Variants in COL8A2 observed in about 807,000 individuals in gnomAD.
COL8A2 encodes collagen type VIII alpha 2 chain.
COL8A2 carries 16 observed loss-of-function variants against 24.0 expected under a neutral mutation model. That is an observed-to-expected ratio of 0.67 (90% CI 0.45 to 1.01). The LOEUF (loss-of-function observed/expected upper bound fraction) is 1.01. Among genes scored for constraint, COL8A2 ranks in the 50% least tolerant of loss-of-function variants. The pLI is 0.00. For missense variants in COL8A2, 818 were observed against 942.4 expected (o/e 0.87, Z 1.73); for synonymous variants, 466 against 424.5 (o/e 1.10, Z -1.20).
chr1:36,102,168 A>G (rs1643686905), intron 2 of COL8A2, among the ~76,000 whole-genome samples: 1 of 151,978 alleles, frequency 6.6e-6, no homozygotes, highest in African/African-American at 2.4e-5. Flanking sequence ...TGGTCTCAAA[A>G]TATATATATA....
intron 1 of COL8A2, among the ~76,000 whole-genome samples, chr1:36,116,593 G>A (rs1286313436): frequency 6.6e-6 from 1 of 152,258 alleles, no homozygotes; most frequent in Non-Finnish European, 1.5e-5. Flanking sequence ...TCTCTGGGCT[G>A]TGGGAGCATG....
chr1:36,101,118 T>C (rs1445781404), intron 2 of COL8A2, among the ~76,000 whole-genome samples: 6 of 152,086 alleles, frequency 3.9e-5, no homozygotes. Context: ...GGTCTCGAAC[T>C]CCTGACCTCA....
chr1:36,117,635 C>A (rs1557747742), intron 1 of COL8A2, among the ~76,000 whole-genome samples: 1 of 152,150 alleles, frequency 6.6e-6, no homozygotes, highest in Non-Finnish European at 1.5e-5. Context: ...CACAACAACC[C>A]AGTGACAAAA....
rs1485373508 is a variant in COL8A2, at chr1:36,115,019, G to C, written c.-17+689C>G. The stretch of plus-strand genomic sequence containing the variant: ...AGGTAAGAACAGCCGGGCAGGGGCA[G>C]ATGGACTAGAAAAGGCCCGGCAGTG... On this transcript the variant is annotated intron_variant, in intron 2 of 3. Transcript: ENST00000397799. This position sits in a 1 kb window ranked among gnomAD's most constrained non-coding sequence, Gnocchi z 5.7. 1.3e-5 allele frequency among the ~76,000 whole-genome samples: 2 copies of C among 152,176 alleles called. No homozygotes were observed. Among genetic ancestry groups the C allele is most frequent in the Admixed American group, 6.5e-5 (1 of 15,284 alleles).
rs546163978 is a variant in COL8A2, at chr1:36,121,029, C to T, written c.-62+4028G>A. On this transcript the variant is annotated intron_variant, in intron 1 of 3. Transcript: ENST00000397799. Reference sequence around the variant, plus strand: ...GCTTGAATCCAGGAGGTGGAGGTTGCAGTGAGCCAAGATCGCGCCACTGCA... The same window carrying T: ...GCTTGAATCCAGGAGGTGGAGGTTGTAGTGAGCCAAGATCGCGCCACTGCA... Among the ~76,000 whole-genome samples, 7 of 150,724 alleles carry T rather than the reference C, an allele frequency of 4.6e-5. No individual in the cohort carries two copies. In the East Asian group the frequency reaches 1.4e-3, roughly 30 times the overall value.
Position 36,097,476 on chromosome 1 carries a change from T to G in COL8A2, c.*93A>C. 2.5e-5 allele frequency: 27 copies of G among 1,065,948 alleles called. No homozygotes were observed. The highest frequency in any genetic ancestry group is 3.7e-5 in the Non-Finnish European group (27 of 724,704). The allele number at this position is 1,065,948 out of a possible 1,614,324, so 66.0% of individuals were successfully genotyped here. A position where few individuals can be genotyped will look rare whatever the true frequency, so the allele number is the denominator to read the frequency against. ...AGGCCACGGCCGCCTCTGTTCAGCT[T>G]TTGTTTTTTTTTCCAGGAGGTTCTT... On this transcript the variant is annotated 3_prime_UTR_variant, in exon 4 of 4. Transcript: ENST00000397799.
Position 36,097,962 on chromosome 1 carries a change from G to A in COL8A2, c.1719C>T (p.Ala573=). ...TGAGCACCGCAGTGAAGGCCGGTGT[G>A]GCATGGGCAGACAGCTCGCCCAGCC... ...QFGLGELSAH[A]TPAFTAVLTS... The change falls in exon 4 of 4, where the codon GCC becomes GCT. Residue 573 remains alanine (A), a synonymous_variant. Coordinates refer to ENST00000397799, the MANE Select transcript of COL8A2 (RefSeq NM_005202.4). 6.2e-7 allele frequency: 1 copy of A among 1,608,466 alleles called. No individual in the cohort carries two copies. Among genetic ancestry groups the A allele is most frequent in the Non-Finnish European group, 8.5e-7 (1 of 1,179,118 alleles).
chr1:36,118,100 G>A (rs1383851624), intron 1 of COL8A2, among the ~76,000 whole-genome samples: 2 of 152,158 alleles, frequency 1.3e-5, no homozygotes, highest in Non-Finnish European at 2.9e-5. Flanking sequence ...TGTATGCACT[G>A]GACATAGCAC....
intron 1 of COL8A2, among the ~76,000 whole-genome samples, chr1:36,117,459 A>G (rs796510148): frequency 6.6e-5 from 10 of 152,346 alleles, no homozygotes; most frequent in African/African-American, 2.2e-4. Flanking sequence ...CCAAGGCAAC[A>G]GCATGTGTGA....
At chr1:36,110,585 G>T (rs935473357) in intron 2 of COL8A2, among the ~76,000 whole-genome samples, 51 of 152,154 alleles carry the variant, frequency 3.4e-4, no homozygotes, top group African/African-American at 1.1e-3. Flanking sequence ...CACCTCCTGA[G>T]TGTAAGCATT....
intron 2 of COL8A2, among the ~76,000 whole-genome samples, chr1:36,112,855 C>T (rs1643861950): frequency 6.6e-6 from 1 of 152,224 alleles, no homozygotes; most frequent in South Asian, 2.1e-4. Flanking sequence ...ATCTGCCTCT[C>T]TAGCGAGCTC....
rs529218540 is a variant in COL8A2, at chr1:36,101,474, C to A, written c.-16-1216G>T. Among the ~76,000 whole-genome samples, 4 of 152,334 alleles carry A rather than the reference C, an allele frequency of 2.6e-5. No homozygotes were observed. In the East Asian group the frequency reaches 7.7e-4, roughly 29 times the overall value. ...GTGCCCTGACCTATGCCTGTCACAG[C>A]ATTTGGCTCAACTCAGAGAACAAAG... On this transcript the variant is annotated intron_variant, in intron 2 of 3. Transcript: ENST00000397799.
chr1:36,099,609 C>G, intron 3 of COL8A2, 122 bp from the exon 4 acceptor site: 1 of 780,116 alleles, frequency 1.3e-6, no homozygotes, highest in South Asian at 1.6e-5. Context: ...CTGCCCCTTC[C>G]TGCTCTCATG....
intron 2 of COL8A2, among the ~76,000 whole-genome samples, chr1:36,100,887 CTTTTTTTTTTTTTTTTTT>C (rs139330748): frequency 2.0e-5 from 1 of 50,132 alleles, no homozygotes; most frequent in Admixed American, 4.0e-4. Flanking sequence ...GCATTCAAGG[CTTTTTTTTTTTTTTTTTT>C]TTTTTTTTTT....
intron 1 of COL8A2, among the ~76,000 whole-genome samples, chr1:36,124,108 G>C (rs2124118071): frequency 6.6e-6 from 1 of 152,244 alleles, no homozygotes; most frequent in African/African-American, 2.4e-5. Flanking sequence ...AAGAGGAGTG[G>C]ATGAGCCCCT....
At position 36,108,007 on chromosome 1, in the gene COL8A2, C is replaced by T. The variant is rs140037794; in HGVS notation, c.-17+7701G>A. On this transcript the variant is annotated intron_variant, in intron 2 of 3. Transcript: ENST00000397799. Reference sequence around the variant, plus strand: ...CCACGCTCCCCCACTCTGCCCTGTACAGGGCTTGGCTGGCACACAGTGATG... The same window carrying T: ...CCACGCTCCCCCACTCTGCCCTGTATAGGGCTTGGCTGGCACACAGTGATG... Among the ~76,000 whole-genome samples, 179 of 152,332 alleles carry T rather than the reference C, an allele frequency of 1.2e-3. 3 individuals are homozygous for T. In the East Asian group the frequency reaches 0.03, roughly 25 times the overall value.
rs1323505856 is a variant in COL8A2 at position 36,097,784 on chromosome 1, C to G, written c.1897G>C (p.Val633Leu). ...AYHVHVKGTN[V>L]WVALYKNNVP... ...TTGTTCTTGTACAGGGCCACCCACA[C>G]GTTGGTGCCCTTGACGTGCACATGG... Residue 633 changes from valine (V) to leucine (L), a missense_variant, in exon 4 of 4, where the codon GTG becomes CTG. This residue lies in a region of COL8A2 where 235 missense variants were observed against 297.3 expected (regional missense o/e 0.79). Coordinates refer to ENST00000397799, the MANE Select transcript of COL8A2 (RefSeq NM_005202.4). 6.2e-7 allele frequency: 1 copy of G among 1,613,858 alleles called. No homozygotes were observed. Among genetic ancestry groups the G allele is most frequent in the Non-Finnish European group, 8.5e-7 (1 of 1,180,036 alleles).
chr1:36,119,263 A>G (rs1348895202), intron 1 of COL8A2, among the ~76,000 whole-genome samples: 1 of 152,230 alleles, frequency 6.6e-6, no homozygotes, highest in African/African-American at 2.4e-5. Context: ...AGTGCTTGGC[A>G]TATAGGAATC....
chr1:36,098,337 A>G lies in COL8A2; in HGVS notation c.1344T>C (p.Gly448=). Reference sequence around the variant, plus strand: ...CAGGCTGCCCAGGGAGCCCCAAGTCACCTTTCTGCCCCAGGGCTCCTGCCA... The same window carrying G: ...CAGGCTGCCCAGGGAGCCCCAAGTCGCCTTTCTGCCCCAGGGCTCCTGCCA... The part of the protein sequence containing the change: ...PGVAGALGQK[G]DLGLPGQPGL... The change falls in exon 4 of 4, where the codon GGT becomes GGC. Residue 448 remains glycine, a synonymous_variant. Coordinates refer to ENST00000397799, the MANE Select transcript of COL8A2 (RefSeq NM_005202.4). 6.5e-7 allele frequency: 1 copy of G among 1,549,466 alleles called. No individual in the cohort carries two copies. Among genetic ancestry groups the G allele is most frequent in the African/African-American group, 1.4e-5 (1 of 72,714 alleles).
Sources: allele counts gnomAD v4.1 joint callset (sites outside exome capture counted in the v4.1 genomes callset), GRCh38; gene constraint gnomAD v4.1.1; regional missense constraint gnomAD v4.1.1; non-coding constraint Gnocchi (gnomAD v3.1); transcripts MANE v1.5; gene names NCBI Gene and HGNC (gene_info 2026-07-23, HGNC 2026-07-21).